ABR: variants seen among roughly 807,000 people sequenced by gnomAD.
ABR encodes ABR activator of RhoGEF and GTPase, also known as active breakpoint cluster region-related protein.
ABR carries 35 observed loss-of-function variants against 107.2 expected under a neutral mutation model. The observed-to-expected ratio is 0.33, with a 90% CI of 0.25 to 0.43. The LOEUF (loss-of-function observed/expected upper bound fraction) is 0.43, where lower values mean the gene tolerates loss of function less well. Among genes scored for constraint, ABR ranks in the 20% least tolerant of loss-of-function variants. ABR has a pLI of 1.00. For synonymous variants in ABR, 498 were observed against 462.0 expected, an observed-to-expected ratio of 1.08 and a Z score of -1.00; for missense variants, 815 against 1,115.2, an observed-to-expected ratio of 0.73 and a Z score of 3.83.
intron 16 of ABR, among the ~76,000 whole-genome samples, chr17:1,042,871 T>C (rs1011318581): frequency 6.6e-6 from 1 of 152,006 alleles, no homozygotes; most frequent in African/African-American, 2.4e-5. Flanking sequence ...TCCAGGGAAA[T>C]TGTATCCAGC....
At chr17:1,049,099 A>T (rs941663194) in intron 16 of ABR, among the ~76,000 whole-genome samples, 1 of 152,196 alleles carries the variant, frequency 6.6e-6, no homozygotes, top group Admixed American at 6.5e-5. Context: ...TTTCAGAGAC[A>T]CAGGCTGCAC....
At chr17:1,184,008 C>G (rs935346950), upstream of ABR, among the ~76,000 whole-genome samples, 1 of 151,466 alleles carries the variant, frequency 6.6e-6, no homozygotes, top group Non-Finnish European at 1.5e-5. Context: ...TCTGGGAGTT[C>G]GAGACCATCC....
chr17:1,162,118 T>C (rs1047593171), intron 1 of ABR, among the ~76,000 whole-genome samples: 2 of 152,182 alleles, frequency 1.3e-5, no homozygotes, highest in Non-Finnish European at 1.5e-5. Flanking sequence ...GGTTAGAGAC[T>C]CCCAGCAGAA....
intron 10 of ABR, among the ~76,000 whole-genome samples, chr17:1,061,943 G>A (rs1049945472): frequency 3.3e-5 from 5 of 152,218 alleles, no homozygotes; most frequent in Non-Finnish European, 5.9e-5. Context: ...GAAGAGAGGA[G>A]TCTGACAATG....
chr17:1,018,473 C>A (rs920448235), intron 16 of ABR, among the ~76,000 whole-genome samples: 4 of 152,192 alleles, frequency 2.6e-5, no homozygotes, highest in African/African-American at 9.6e-5. Flanking sequence ...AATTCCATGG[C>A]CCCTGGTCCG....
At chr17:1,072,806 G>T in intron 7 of ABR, 52 bp from the exon 8 acceptor site, 1 of 1,582,700 alleles carries the variant, frequency 6.3e-7, no homozygotes, top group South Asian at 1.2e-5. Flanking sequence ...GGCCTGATGT[G>T]TGGCCACCGG....
intron 4 of ABR, 36 bp from the exon 5 acceptor site, chr17:1,083,663 G>T: frequency 6.7e-7 from 1 of 1,490,298 alleles, no homozygotes; most frequent in South Asian, 1.1e-5. Context: ...GGGAGAGGAG[G>T]GTGGGAGGGG....
intron 1 of ABR, among the ~76,000 whole-genome samples, chr17:1,131,068 C>T (rs1006019763): frequency 6.7e-6 from 1 of 148,782 alleles, no homozygotes; most frequent in African/African-American, 2.6e-5. Context: ...AAATGCAGTG[C>T]CTGCCACGCA....
At chr17:1,203,307 C>T (rs1170320655) in intron 1 of ABR, among the ~76,000 whole-genome samples, 1 of 114,966 alleles carries the variant, frequency 8.7e-6, no homozygotes, top group Non-Finnish European at 1.8e-5. Flanking sequence ...TGGCCCGGCT[C>T]GTGGGGGCGG....
intron 1 of ABR, among the ~76,000 whole-genome samples, chr17:1,185,729 T>C (rs1447154773): frequency 6.6e-6 from 1 of 150,636 alleles, no homozygotes; most frequent in Admixed American, 6.6e-5. Flanking sequence ...AGGCCTCCTA[T>C]GAGCACTAGC....
At chr17:1,111,685 G>A (rs1181360927) in intron 2 of ABR, among the ~76,000 whole-genome samples, 1 of 152,178 alleles carries the variant, frequency 6.6e-6, no homozygotes, top group African/African-American at 2.4e-5. Flanking sequence ...CTCTGGTGTA[G>A]GCTGGCCCTT....
At chr17:1,175,813 C>T (rs968247415) in intron 1 of ABR, among the ~76,000 whole-genome samples, 4 of 152,158 alleles carry the variant, frequency 2.6e-5, no homozygotes, top group Admixed American at 6.5e-5. Flanking sequence ...TGTTCAGGGC[C>T]GGGCGCGGTG....
rs770374238 is a variant in ABR, at chr17:1,125,554, C to T, written c.62-187G>A. ...GGGGCGGGGGAGAGCCAGCAGGCAC[C>T]GGGCCCTGCCCGCTCCGGGGCTGCT... On this transcript the variant is annotated intron_variant, in intron 1 of 22. Coordinates refer to ENST00000302538, the MANE Select transcript of ABR (RefSeq NM_021962.5). 3.7e-5 allele frequency: 16 copies of T among 431,752 alleles called. No individual in the cohort carries two copies. The South Asian group carries it at 4.2e-4, about 11-fold the overall frequency. The allele number at this position is 431,752 out of a possible 1,614,324, so 26.7% of individuals were successfully genotyped here. A position where few individuals can be genotyped will look rare whatever the true frequency, so the allele number is the denominator to read the frequency against.
At chr17:1,014,459 T>G (rs2070974468) in intron 16 of ABR, among the ~76,000 whole-genome samples, 1 of 148,934 alleles carries the variant, frequency 6.7e-6, no homozygotes, top group Admixed American at 6.7e-5. Context: ...AGAAAAAACA[T>G]CTAAACAATG....
At chr17:1,100,763 G>C (rs746921331) in intron 2 of ABR, 28 bp from the exon 3 acceptor site, 22 of 1,610,628 alleles carry the variant, frequency 1.4e-5, no homozygotes, top group Non-Finnish European at 1.9e-5. Context: ...ACAGCCAACA[G>C]CTCATGAGCA....
rs762808385 is a variant in ABR, at chr17:1,009,784, G to A, written c.2237C>T (p.Ala746Val). Residue 746 changes from alanine (A) to valine (V), a missense_variant and splice_region_variant, in exon 21 of 23, where the codon GCC becomes GTC. By Grantham distance (64) the Ala-to-Val change is moderately conservative. Around this residue, in one of 5 missense-constraint regions of ABR, gnomAD observed 175 missense variants for 284.3 expected, o/e 0.62. Coordinates refer to ENST00000302538, the MANE Select transcript of ABR (RefSeq NM_021962.5). ...RLYPAFMEGI[A>V]LSDPAAKENC... is the part of the protein sequence containing the mutation. ...TTCCTTGGCAGCAGGGTCTGACAGGGCTGTGGGAGAGAAGGGCCAGTGTGG... is the reference window on the plus strand; with the variant it reads ...TTCCTTGGCAGCAGGGTCTGACAGGACTGTGGGAGAGAAGGGCCAGTGTGG... 1.2e-5 allele frequency: 19 copies of A among 1,613,526 alleles called. No homozygotes were observed. The highest frequency in any genetic ancestry group is 1.5e-5 in the Non-Finnish European group (18 of 1,179,746).
At chr17:1,180,037 G>A (rs200253350), upstream of ABR, among the ~76,000 whole-genome samples, 4,718 of 119,882 alleles carry the variant, frequency 0.039, 152 homozygotes, top group East Asian at 0.13. Flanking sequence ...GGGCTTTGGT[G>A]CGGGGGCGGG....
rs1181915308 is a variant in ABR, at chr17:1,027,616, A to G, written c.1792-14452T>C. Among the ~76,000 whole-genome samples the G allele has an allele frequency of 2.0e-5, 3 of 151,438 alleles. No homozygotes were observed. Among genetic ancestry groups the G allele is most frequent in the Non-Finnish European group, 2.9e-5 (2 of 67,912 alleles). The stretch of plus-strand genomic sequence containing the variant: ...GGAGGGTCGCCCGACCCCACTGCCA[A>G]CCTGTCAGCCAGCCTGGCCGCAGTC... On this transcript the variant is annotated intron_variant, in intron 16 of 22. Coordinates refer to ENST00000302538, the MANE Select transcript of ABR (RefSeq NM_021962.5). This position sits in a 1 kb window ranked among gnomAD's most constrained non-coding sequence, Gnocchi z 4.7.
chr17:1,100,539 T>TC (rs1159533298), intron 3 of ABR, 98 bp downstream of exon 3: 5 of 1,157,238 alleles, frequency 4.3e-6, no homozygotes, highest in Non-Finnish European at 6.4e-6. Flanking sequence ...ACGGGTACGG[T>TC]CCCCTTTCCT....
Sources: allele counts gnomAD v4.1 joint callset (sites outside exome capture counted in the v4.1 genomes callset), GRCh38; gene constraint gnomAD v4.1.1; regional missense constraint gnomAD v4.1.1; non-coding constraint Gnocchi (gnomAD v3.1); transcripts MANE v1.5; gene names NCBI Gene and HGNC (gene_info 2026-07-23, HGNC 2026-07-21).